KDM4B: variants seen among roughly 807,000 people sequenced by gnomAD.
KDM4B encodes the protein lysine demethylase 4B, also known as lysine-specific demethylase 4B.
Under a neutral mutation model 125.2 loss-of-function variants are expected in KDM4B, and 32 were observed. That is an observed-to-expected ratio of 0.26 (90% confidence interval 0.19 to 0.34). The LOEUF is 0.34. KDM4B is among the 10% of genes least tolerant of loss of function. KDM4B has a pLI of 1.00. For missense variants in KDM4B, 1,190 were observed against 1,577.7 expected, an observed-to-expected ratio of 0.75 and a Z score of 4.16; for synonymous variants, 721 against 677.9, an observed-to-expected ratio of 1.06 and a Z score of -0.99.
intron 6 of KDM4B, among the ~76,000 whole-genome samples, chr19:5,050,292 G>A (rs1482716491): frequency 6.6e-6 from 1 of 152,230 alleles, no homozygotes; most frequent in African/African-American, 2.4e-5. Flanking sequence ...TGCTTCAAAA[G>A]GCTGGCTTCT....
intron 7 of KDM4B, among the ~76,000 whole-genome samples, chr19:5,072,555 T>C (rs1218549871): frequency 6.6e-6 from 1 of 152,226 alleles, no homozygotes; most frequent in Non-Finnish European, 1.5e-5. Flanking sequence ...CTCACTTACA[T>C]ACTAAAGCTG....
At chr19:5,127,115 G>A (rs562606240) in intron 11 of KDM4B, among the ~76,000 whole-genome samples, 1 of 152,306 alleles carries the variant, frequency 6.6e-6, no homozygotes, top group African/African-American at 2.4e-5. Flanking sequence ...CACCCAAAAA[G>A]AGTGCTAGCA....
chr19:5,115,020 T>A lies in KDM4B; in HGVS notation c.1115+4202T>A, dbSNP rs1173333828. ...GAAACGCCACTGAAACACCAGAGAG[T>A]GAAGTGCAGAGAACGGGAGAGGGGG... is the stretch of plus-strand genomic sequence containing the variant. On this transcript the variant is annotated intron_variant, in intron 10 of 22. Transcript: ENST00000159111. The surrounding 1 kb of genome is among the most constrained non-coding windows in gnomAD (Gnocchi z 4.2). 6.6e-6 allele frequency among the ~76,000 whole-genome samples: 1 copy of A among 151,728 alleles called. No individual in the cohort carries two copies. The highest frequency in any genetic ancestry group is 2.4e-5 in the African/African-American group (1 of 41,252).
In KDM4B at chr19:5,082,593, G is replaced by A; in HGVS notation, c.918+89G>A. 1 of 1,425,274 alleles carries A rather than the reference G, an allele frequency of 7.0e-7. No individual in the cohort carries two copies. Among genetic ancestry groups the A allele is most frequent in the Non-Finnish European group, 9.4e-7 (1 of 1,067,914 alleles). The allele number at this position is 1,425,274 out of a possible 1,614,324, so 88.3% of individuals were successfully genotyped here. ...CAGCCACACGCCCATAGCTGGTCCA[G>A]CAGCCGTTTCGCTCAGCCCAGGGCC... is the stretch of plus-strand genomic sequence containing the variant. On this transcript the variant is annotated intron_variant, in intron 9 of 22. Transcript: ENST00000159111. This position sits in a 1 kb window ranked among gnomAD's most constrained non-coding sequence, Gnocchi z 5.4.
intron 9 of KDM4B, among the ~76,000 whole-genome samples, chr19:5,091,427 A>G (rs1243649505): frequency 6.6e-6 from 1 of 151,798 alleles, no homozygotes; most frequent in Non-Finnish European, 1.5e-5. Flanking sequence ...TGGCAGGGAG[A>G]GCTTCTGCTG....
intron 11 of KDM4B, among the ~76,000 whole-genome samples, chr19:5,129,296 G>A (rs1353080816): frequency 6.6e-6 from 1 of 152,094 alleles, no homozygotes; most frequent in Non-Finnish European, 1.5e-5. Flanking sequence ...AGGGTCTGTT[G>A]GGGGAGGGTC....
intron 1 of KDM4B, among the ~76,000 whole-genome samples, chr19:4,976,894 C>T (rs996077592): frequency 6.6e-6 from 1 of 152,212 alleles, no homozygotes; most frequent in African/African-American, 2.4e-5. Flanking sequence ...GTCCCAGGAA[C>T]GTTCTGACTT....
At chr19:5,087,744 G>C (rs34180579) in intron 9 of KDM4B, among the ~76,000 whole-genome samples, 9,713 of 152,260 alleles carry the variant, frequency 0.064, 394 homozygotes, top group Middle Eastern at 0.14. Flanking sequence ...CTCTGCAGCG[G>C]TCTGCAGCCT....
intron 6 of KDM4B, among the ~76,000 whole-genome samples, chr19:5,049,852 C>T (rs539741350): frequency 1.3e-5 from 2 of 152,286 alleles, no homozygotes; most frequent in South Asian, 4.1e-4. Flanking sequence ...CTCTTGGATC[C>T]TCACTGTGTG....
At chr19:5,119,368 G>T (rs1341632362) in intron 10 of KDM4B, 7 of 661,542 alleles carry the variant, frequency 1.1e-5, no homozygotes, top group East Asian at 8.1e-5. Context: ...GTGTCAGTCG[G>T]CTTCCCATCT....
Position 5,111,526 on chromosome 19 carries a change from C to G in KDM4B, c.1115+708C>G, listed in dbSNP as rs762645628. 17 of 764,770 alleles carry G rather than the reference C, an allele frequency of 2.2e-5. 2 individuals are homozygous for G. The highest frequency in any genetic ancestry group is 8.5e-5 in the African/African-American group (5 of 59,162). The allele number at this position is 764,770 out of a possible 1,614,324, so 47.4% of individuals were successfully genotyped here. A position where few individuals can be genotyped will look rare whatever the true frequency, so the allele number is the denominator to read the frequency against. On this transcript the variant is annotated intron_variant, in intron 10 of 22. Transcript: ENST00000159111. ...AGGTCCCGGCCTAGGAGGAGATCCACTTCATGCCCAGAGTGAAGGCGAGCA... is the reference window on the plus strand; with the variant it reads ...AGGTCCCGGCCTAGGAGGAGATCCAGTTCATGCCCAGAGTGAAGGCGAGCA...
At chr19:5,049,181 C>A (rs1039716371) in intron 6 of KDM4B, among the ~76,000 whole-genome samples, 1 of 152,108 alleles carries the variant, frequency 6.6e-6, no homozygotes, top group African/African-American at 2.4e-5. Flanking sequence ...CACAGGCCGT[C>A]GGAGGGACTG....
chr19:5,084,311 GTATAATTTATATATTGTA>G (rs2038399683), intron 9 of KDM4B, among the ~76,000 whole-genome samples: 3 of 144,292 alleles, frequency 2.1e-5, no homozygotes, highest in South Asian at 2.1e-4. Flanking sequence ...TATATATTAT[GTATAATTTATATATTGTA>G]TATAATTTAT....
intron 5 of KDM4B, among the ~76,000 whole-genome samples, chr19:5,042,107 C>T (rs138396326): frequency 8.5e-5 from 13 of 152,318 alleles, no homozygotes; most frequent in African/African-American, 2.2e-4. Flanking sequence ...CAGAGTATTT[C>T]GAATTTGAGA....
intron 11 of KDM4B, 31 bp from the exon 12 acceptor site, chr19:5,131,045 C>T: frequency 6.9e-7 from 1 of 1,456,346 alleles, no homozygotes; most frequent in South Asian, 1.4e-5. Context: ...CCCGGGTTCT[C>T]CTCCCTGACC....
intron 1 of KDM4B, among the ~76,000 whole-genome samples, chr19:5,005,421 T>C (rs1156422055): frequency 6.6e-6 from 1 of 152,148 alleles, no homozygotes; most frequent in African/African-American, 2.4e-5. Context: ...GTCAGCCTCC[T>C]GAGTGACAGG....
chr19:5,035,888 CGCGCGCGCCT>C lies in KDM4B; in HGVS notation c.141+2864_141+2873del, dbSNP rs1190107744. Among the ~76,000 whole-genome samples, 5 of 95,538 alleles carry C rather than the reference CGCGCGCGCCT, an allele frequency of 5.2e-5. No homozygotes were observed. Among genetic ancestry groups the C allele is most frequent in the East Asian group, 2.1e-4 (1 of 4,764 alleles). The allele number at this position is 95,538 out of a possible 152,430, so 62.7% of individuals were successfully genotyped here. On this transcript the variant is annotated intron_variant, in intron 3 of 22. Coordinates refer to ENST00000159111, the MANE Select transcript of KDM4B (RefSeq NM_015015.3). This position sits in a 1 kb window ranked among gnomAD's most constrained non-coding sequence, Gnocchi z 5.3. ...CTGTGTGTGTGTGTGTGTGCGCGCGCGCGCGCGCCTGCGCGCACAGGAGACTGAGGTGGGG... is the reference window on the plus strand; with the variant it reads ...CTGTGTGTGTGTGTGTGTGCGCGCGCGCGCGCACAGGAGACTGAGGTGGGG...
rs2035243980 is a variant in KDM4B at position 4,997,628 on chromosome 19, C to T, written c.-108-18629C>T. 6.6e-6 allele frequency among the ~76,000 whole-genome samples: 1 copy of T among 152,232 alleles called. No homozygotes were observed. Among genetic ancestry groups the T allele is most frequent in the Non-Finnish European group, 1.5e-5 (1 of 68,034 alleles). On this transcript the variant is annotated intron_variant, in intron 1 of 22. Transcript: ENST00000159111. This position sits in a 1 kb window ranked among gnomAD's most constrained non-coding sequence, Gnocchi z 4.2. ...TGGGCTGGAATAGCTGTCCCTGCCT[C>T]CTCCGGTTGGTGGGCTGGTCAGCCA...
intron 9 of KDM4B, among the ~76,000 whole-genome samples, chr19:5,083,341 C>A (rs2038364102): frequency 6.6e-6 from 1 of 152,196 alleles, no homozygotes; most frequent in Non-Finnish European, 1.5e-5. Context: ...CCCCCTCCCC[C>A]ATGGTCTCTG....
Sources: allele counts gnomAD v4.1 joint callset (sites outside exome capture counted in the v4.1 genomes callset), GRCh38; gene constraint gnomAD v4.1.1; non-coding constraint Gnocchi (gnomAD v3.1); transcripts MANE v1.5; gene names NCBI Gene and HGNC (gene_info 2026-07-23, HGNC 2026-07-21).